The following TOM1 variants were observed in gnomAD, a reference collection of about 807,000 sequenced individuals.
The protein encoded by TOM1 is target of myb1 membrane trafficking protein.
A neutral mutation model predicts 61.3 loss-of-function variants in TOM1; 38 were observed. That is an observed-to-expected ratio of 0.62 (90% CI 0.48 to 0.81). The LOEUF is 0.81. TOM1 is among the 40% of genes least tolerant of loss of function. TOM1 has a pLI of 0.00. For synonymous variants in TOM1, 270 were observed against 268.8 expected (o/e 1.00, Z -0.04); for missense variants, 591 against 659.6 (o/e 0.90, Z 1.14).
At chr22:35,316,878 T>C (rs181473064) in intron 1 of TOM1, among the ~76,000 whole-genome samples, 6 of 152,334 alleles carry the variant, frequency 3.9e-5, no homozygotes, top group Non-Finnish European at 8.8e-5. Flanking sequence ...CTTACTGTGC[T>C]GGTACCTTGC....
chr22:35,311,889 G>C (rs922534110), intron 1 of TOM1, among the ~76,000 whole-genome samples: 1 of 152,208 alleles, frequency 6.6e-6, no homozygotes, highest in Non-Finnish European at 1.5e-5. Context: ...TCATGGTGCA[G>C]GATGAGGAGT....
chr22:35,299,749 C>T (rs1925535849), upstream of TOM1: 2 of 674,408 alleles, frequency 3.0e-6, no homozygotes, highest in Middle Eastern at 4.2e-4. Context: ...GAGGTCATCG[C>T]CCTCCGCCTC....
chr22:35,343,712 CACCA>C, intron 12 of TOM1, among the ~76,000 whole-genome samples: 1 of 107,586 alleles, frequency 9.3e-6, no homozygotes, highest in African/African-American at 3.2e-5. Context: ...CCTACACACA[CACCA>C]CACACACATC....
chr22:35,334,078 T>C (rs763381223), intron 10 of TOM1, among the ~76,000 whole-genome samples: 6 of 152,142 alleles, frequency 3.9e-5, no homozygotes, highest in African/African-American at 4.8e-5. Flanking sequence ...GCAGAATCAA[T>C]GGATAGCGTT....
chr22:35,338,746 C>A lies in TOM1; in HGVS notation c.1182C>A (p.Gly394=). The A allele has an allele frequency of 6.2e-7, 1 of 1,600,356 alleles. No individual in the cohort carries two copies. The highest frequency in any genetic ancestry group is 8.5e-7 in the Non-Finnish European group (1 of 1,174,270). Residue 394 remains glycine, a synonymous_variant, in exon 12 of 15, where the codon GGC becomes GGA. Coordinates refer to ENST00000449058, the MANE Select transcript of TOM1 (RefSeq NM_005488.3). ...ACGAAGCCCCCCAAGCAACAGACGG[C>A]CTGGCTGGAGCCCTGGACGCCCGGC... ...VKYEAPQATD[G]LAGALDARQQ... is the part of the protein sequence containing the mutation.
At chr22:35,344,328 G>C (rs1272919351) in intron 12 of TOM1, 1 of 152,528 alleles carries the variant, frequency 6.6e-6, no homozygotes, top group African/African-American at 2.4e-5. Flanking sequence ...ATGGGCGTGG[G>C]GCACCGTGCT....
At chr22:35,321,173 G>A (rs550995842) in intron 2 of TOM1, among the ~76,000 whole-genome samples, 11 of 151,984 alleles carry the variant, frequency 7.2e-5, no homozygotes, top group African/African-American at 2.7e-4. Context: ...AACATAGCAA[G>A]ACCCCATCTC....
chr22:35,332,046 C>T (rs1928885879), intron 8 of TOM1, among the ~76,000 whole-genome samples: 1 of 152,202 alleles, frequency 6.6e-6, no homozygotes. Context: ...TGTCTGATAA[C>T]TGACATGAGT....
At chr22:35,301,825 C>T (rs1925828828) in intron 1 of TOM1, among the ~76,000 whole-genome samples, 1 of 152,122 alleles carries the variant, frequency 6.6e-6, no homozygotes, top group Non-Finnish European at 1.5e-5. Flanking sequence ...CACACACCCA[C>T]CCCACAGTGA....
chr22:35,307,128 G>A (rs759364170), intron 1 of TOM1, among the ~76,000 whole-genome samples: 59 of 151,964 alleles, frequency 3.9e-4, no homozygotes, highest in Non-Finnish European at 7.8e-4. Flanking sequence ...ACTCTTTACT[G>A]CCTTACTAAG....
intron 3 of TOM1, 141 bp from the exon 4 acceptor site, chr22:35,322,887 A>T: frequency 9.9e-7 from 1 of 1,009,940 alleles, no homozygotes; most frequent in Non-Finnish European, 1.4e-6. Flanking sequence ...AGTCCTCCAC[A>T]TTCAAGGGTC....
In TOM1 at chr22:35,323,416, C is replaced by A; in HGVS notation, c.367-80C>A. ...AAAAAAAAAAGCAGGGAAAGAATGT[C>A]TGTTCTCTGTCTGAGTGCCAGGTGG... On this transcript the variant is annotated intron_variant, in intron 4 of 14. Transcript: ENST00000449058. This position sits in a 1 kb window ranked among gnomAD's most constrained non-coding sequence, Gnocchi z 4.2. The A allele has an allele frequency of 2.7e-6, 4 of 1,500,072 alleles. No individual in the cohort carries two copies. The highest frequency in any genetic ancestry group is 1.2e-5 in the South Asian group (1 of 81,418). 92.9% of individuals were successfully genotyped at this position (1,500,072 alleles called of 1,614,324 possible).
chr22:35,333,894 G>GTAGT (rs1296555315), intron 10 of TOM1, among the ~76,000 whole-genome samples: 1 of 152,188 alleles, frequency 6.6e-6, no homozygotes, highest in East Asian at 1.9e-4. Flanking sequence ...CTCTGGCTGA[G>GTAGT]TAGTTGGCCA....
At chr22:35,336,899 G>A (rs1929389420) in intron 11 of TOM1, 1 of 152,392 alleles carries the variant, frequency 6.6e-6, no homozygotes, top group Middle Eastern at 3.4e-3. Flanking sequence ...GCCATGTGTG[G>A]GCAGGGGTGG....
chr22:35,346,860 C>T, intron 13 of TOM1, 70 bp from the exon 14 acceptor site: 1 of 1,458,266 alleles, frequency 6.9e-7, no homozygotes, highest in East Asian at 2.3e-5. Context: ...CGAGCTGCAG[C>T]ACCACTGCCC....
rs551590628 is a variant in TOM1 at position 35,307,664 on chromosome 22, G to T, written c.52+7684G>T. ...GGGAACTGGGCCTCGCTCCTGCTGG[G>T]GAAGGTAGAGAAGGGAAGGACGGAG... On this transcript the variant is annotated intron_variant, in intron 1 of 14. Coordinates refer to ENST00000449058, the MANE Select transcript of TOM1 (RefSeq NM_005488.3). 5.3e-4 allele frequency among the ~76,000 whole-genome samples: 80 copies of T among 152,296 alleles called. 2 individuals are homozygous for T. In the South Asian group the frequency reaches 0.012, roughly 24 times the overall value.
intron 12 of TOM1, among the ~76,000 whole-genome samples, chr22:35,341,115 C>T (rs1004252618): frequency 2.6e-5 from 4 of 152,234 alleles, no homozygotes; most frequent in Non-Finnish European, 4.4e-5. Flanking sequence ...GCCTGTGCTC[C>T]GGGCCAGGCC....
chr22:35,323,694 C>A lies in TOM1; in HGVS notation c.501+64C>A, dbSNP rs1417126280. On this transcript the variant is annotated intron_variant, in intron 5 of 14. Coordinates refer to ENST00000449058, the MANE Select transcript of TOM1 (RefSeq NM_005488.3). This position sits in a 1 kb window ranked among gnomAD's most constrained non-coding sequence, Gnocchi z 4.2. ...GCAGGACTCATCCCCAGAGACATCA[C>A]CAGGCTGGCCCCTGACTTCCTGGGC... The A allele has an allele frequency of 7.5e-6, 12 of 1,608,248 alleles. No individual in the cohort carries two copies. The Admixed American group carries it at 1.7e-4, about 22-fold the overall frequency.
chr22:35,323,176 A>T lies in TOM1; in HGVS notation c.365A>T (p.Gln122Leu). 6.2e-7 allele frequency: 1 copy of T among 1,613,668 alleles called. No individual in the cohort carries two copies. Among genetic ancestry groups the T allele is most frequent in the Non-Finnish European group, 8.5e-7 (1 of 1,180,016 alleles). Residue 122 changes from glutamine (Q) to leucine (L), a missense_variant and splice_region_variant, in exon 4 of 15, where the codon CAG becomes CTG. Coordinates refer to ENST00000449058, the MANE Select transcript of TOM1 (RefSeq NM_005488.3). This position sits in a 1 kb window ranked among gnomAD's most constrained non-coding sequence, Gnocchi z 4.2. ...CATGACAAAGTGCTCAACCTCATCCAGGTGAGTGCCAGGACAGGGCAGGGC... is the reference window on the plus strand; with the variant it reads ...CATGACAAAGTGCTCAACCTCATCCTGGTGAGTGCCAGGACAGGGCAGGGC... The part of the protein sequence containing the change: ...IVHDKVLNLI[Q>L]SWADAFRSSP...
Sources: gnomAD v4.1 joint callset for allele counts (sites outside exome capture counted in the v4.1 genomes callset) on GRCh38, gnomAD v4.1.1 for gene constraint, Gnocchi (gnomAD v3.1) non-coding constraint, MANE v1.5 for transcripts, NCBI Gene and HGNC (gene_info 2026-07-23, HGNC 2026-07-21) for gene names.